THSD7B: variants seen among roughly 807,000 people sequenced by gnomAD.
THSD7B encodes thrombospondin type-1 domain-containing protein 7B.
THSD7B carries 138 observed loss-of-function variants against 213.6 expected under a neutral mutation model. The ratio of observed to expected loss-of-function variants is 0.65; its 90% confidence interval spans 0.56 to 0.74. The LOEUF (loss-of-function observed/expected upper bound fraction) is 0.74. THSD7B is among the 30% of genes least tolerant of loss of function. The probability of loss-of-function intolerance (pLI) is 0.00; values close to 1 mark genes in which losing one functional copy is unlikely to be tolerated. For missense variants in THSD7B, 1,931 were observed against 1,991.5 expected (o/e 0.97, Z 0.58); for synonymous variants, 742 against 687.0 (o/e 1.08, Z -1.25).
chr2:136,952,259 A>G (rs1685049669), intron 2 of THSD7B, among the ~76,000 whole-genome samples: 1 of 152,176 alleles, frequency 6.6e-6, no homozygotes. Context: ...AATTACATTA[A>G]CAAAACATAT....
intron 15 of THSD7B, among the ~76,000 whole-genome samples, chr2:137,473,018 A>G (rs1688122475): frequency 6.6e-6 from 1 of 151,960 alleles, no homozygotes; most frequent in South Asian, 2.1e-4. Flanking sequence ...TTATGGTTGC[A>G]GACACAAGTC....
At chr2:137,181,291 G>A (rs1034099848) in intron 7 of THSD7B, among the ~76,000 whole-genome samples, 9 of 152,174 alleles carry the variant, frequency 5.9e-5, no homozygotes, top group African/African-American at 2.2e-4. Context: ...ATTCCTAGAG[G>A]AGGGTGATAG....
chr2:137,088,735 CA>C (rs1471481577), intron 3 of THSD7B, among the ~76,000 whole-genome samples: 1 of 151,870 alleles, frequency 6.6e-6, no homozygotes, highest in Non-Finnish European at 1.5e-5. Context: ...ATACATGTGA[CA>C]AAGTACTAAT....
At chr2:137,120,675 A>G (rs1039010955) in intron 5 of THSD7B, among the ~76,000 whole-genome samples, 1 of 152,154 alleles carries the variant, frequency 6.6e-6, no homozygotes. Flanking sequence ...ATTTCTCCCC[A>G]GGTTATTGAT....
intron 15 of THSD7B, among the ~76,000 whole-genome samples, chr2:137,550,006 G>A (rs867835524): frequency 4.6e-5 from 7 of 151,988 alleles, no homozygotes; most frequent in Non-Finnish European, 8.8e-5. Context: ...CTGGCACGCC[G>A]TGAACAATCT....
At chr2:137,399,257 A>G (rs1169430230) in intron 12 of THSD7B, among the ~76,000 whole-genome samples, 2 of 146,914 alleles carry the variant, frequency 1.4e-5, no homozygotes. Flanking sequence ...CAGTGGTGTG[A>G]CCTTGGCTCA....
chr2:137,021,293 A>T (rs1686441594), intron 2 of THSD7B, among the ~76,000 whole-genome samples: 1 of 152,148 alleles, frequency 6.6e-6, no homozygotes, highest in Non-Finnish European at 1.5e-5. Context: ...AAAGGATTGG[A>T]TGTTTCTTTA....
chr2:137,343,086 T>G (rs1013571297), intron 12 of THSD7B, among the ~76,000 whole-genome samples: 1 of 151,686 alleles, frequency 6.6e-6, no homozygotes, highest in African/African-American at 2.4e-5. Context: ...TTTTTTTTGT[T>G]TTTTGTTTTT....
chr2:137,068,000 T>C (rs1421517760), intron 3 of THSD7B, among the ~76,000 whole-genome samples: 2 of 152,048 alleles, frequency 1.3e-5, no homozygotes, highest in Non-Finnish European at 2.9e-5. Flanking sequence ...AAGTTGTCAA[T>C]CATAGTTTAA....
At chr2:136,866,132 G>C (rs573608906) in intron 1 of THSD7B, among the ~76,000 whole-genome samples, 3 of 152,322 alleles carry the variant, frequency 2.0e-5, no homozygotes, top group African/African-American at 7.2e-5. Context: ...ACAGGAAAAA[G>C]TGGGATTTCT....
chr2:137,075,315 T>A (rs1687596273), intron 3 of THSD7B, among the ~76,000 whole-genome samples: 1 of 152,192 alleles, frequency 6.6e-6, no homozygotes, highest in African/African-American at 2.4e-5. Flanking sequence ...AAACTTCTCT[T>A]CTCACTTCAT....
At chr2:137,282,670 C>T (rs1228201107) in intron 12 of THSD7B, among the ~76,000 whole-genome samples, 1 of 152,058 alleles carries the variant, frequency 6.6e-6, no homozygotes, top group African/African-American at 2.4e-5. Flanking sequence ...GAATCCTTTC[C>T]CCATTGCTTG....
intron 12 of THSD7B, among the ~76,000 whole-genome samples, chr2:137,361,441 A>G (rs1000281964): frequency 6.6e-6 from 1 of 152,236 alleles, no homozygotes; most frequent in Admixed American, 6.5e-5. Flanking sequence ...CTCTGAGCTA[A>G]AGGAGGATGT....
chr2:137,155,153 G>T (rs980093125), intron 5 of THSD7B, among the ~76,000 whole-genome samples: 1 of 152,174 alleles, frequency 6.6e-6, no homozygotes. Context: ...CAGTGATCCA[G>T]ATTTGTCTGA....
intron 1 of THSD7B, among the ~76,000 whole-genome samples, chr2:136,824,105 AAG>A (rs1410105390): frequency 3.3e-5 from 5 of 152,186 alleles, no homozygotes; most frequent in African/African-American, 1.2e-4. Flanking sequence ...AAGTATAAAA[AAG>A]AAACTTTTCC....
intron 2 of THSD7B, among the ~76,000 whole-genome samples, chr2:137,055,712 A>G (rs1687150119): frequency 6.6e-6 from 1 of 152,188 alleles, no homozygotes; most frequent in Admixed American, 6.5e-5. Flanking sequence ...CAAAATGAGT[A>G]CACTTCAAGG....
At chr2:137,610,306 A>G (rs1173492778) in intron 17 of THSD7B, among the ~76,000 whole-genome samples, 2 of 152,086 alleles carry the variant, frequency 1.3e-5, no homozygotes, top group African/African-American at 4.8e-5. Context: ...GGTGATGTTG[A>G]TGCTGCTGGT....
chr2:136,913,847 C>G (rs1684307685), intron 2 of THSD7B, among the ~76,000 whole-genome samples: 1 of 152,254 alleles, frequency 6.6e-6, no homozygotes, highest in African/African-American at 2.4e-5. Flanking sequence ...AGAACCTCTG[C>G]TAGGGCAGTG....
intron 12 of THSD7B, among the ~76,000 whole-genome samples, chr2:137,366,207 C>G (rs910470812): frequency 6.6e-6 from 1 of 152,050 alleles, no homozygotes; most frequent in Non-Finnish European, 1.5e-5. Context: ...TACTTGGACA[C>G]AGGGTGGGGA....
Sources: gnomAD v4.1 joint callset for allele counts (sites outside exome capture counted in the v4.1 genomes callset) on GRCh38, gnomAD v4.1.1 for gene constraint, MANE v1.5 for transcripts, NCBI Gene and HGNC (gene_info 2026-07-23, HGNC 2026-07-21) for gene names.